FRMPD4: variants seen among roughly 807,000 people sequenced by gnomAD.
FRMPD4 encodes the protein FERM and PDZ domain-containing protein 4.
FRMPD4 carries 22 observed loss-of-function variants against 94.1 expected under a neutral mutation model. That is an observed-to-expected ratio of 0.23 (90% CI 0.17 to 0.33). The LOEUF is 0.33. FRMPD4 is among the 10% of genes least tolerant of loss of function. FRMPD4 has a pLI of 1.00. For synonymous variants in FRMPD4, 631 were observed against 548.6 expected, an observed-to-expected ratio of 1.15 and a Z score of -2.10; for missense variants, 1,111 against 1,339.9, an observed-to-expected ratio of 0.83 and a Z score of 2.67.
chrX:12,614,918 G>C, intron 4 of FRMPD4, 37 bp downstream of exon 4: 1 of 765,797 alleles, frequency 1.3e-6, no homozygotes, highest in Non-Finnish European at 2.0e-6. Flanking sequence ...GTTCTGCTTT[G>C]AAGGCTGCTG....
In FRMPD4 at chrX:11,834,961, G is replaced by A. The variant is rs372418491; in HGVS notation, c.-161+12246G>A. Among the ~76,000 whole-genome samples the A allele has an allele frequency of 1.2e-4, 13 of 111,884 alleles. No homozygotes were observed. The East Asian group carries it at 3.6e-3, about 31-fold the overall frequency. On this transcript the variant is annotated intron_variant, in intron 1 of 18. Coordinates refer to the FRMPD4 transcript ENST00000640291. ...TTATAAAATGTAAAATGTGAGAAAA[G>A]GAGAAAAGGATCTGTCATATTTTTT...
chrX:12,367,973 CT>C (rs1422668870), intron 1 of FRMPD4, among the ~76,000 whole-genome samples: 1 of 112,129 alleles, frequency 8.9e-6, no homozygotes, highest in Non-Finnish European at 1.9e-5. Flanking sequence ...GCTTAGGTCC[CT>C]GTTCTCTTTC....
chrX:12,423,591 A>C (rs940966377), intron 1 of FRMPD4, among the ~76,000 whole-genome samples: 1 of 112,076 alleles, frequency 8.9e-6, no homozygotes, highest in Admixed American at 9.4e-5. Flanking sequence ...TGCAAGGGAA[A>C]AATAACCTCA....
At chrX:12,117,941 C>G (rs143675516) in intron 3 of FRMPD4, among the ~76,000 whole-genome samples, 1,688 of 111,206 alleles carry the variant, frequency 0.015, 14 homozygotes, top group Non-Finnish European at 0.021. Context: ...GTATCTGTTG[C>G]TCCTTTTTTT....
chrX:12,565,289 G>A lies in FRMPD4; in HGVS notation c.159-44432G>A, dbSNP rs957391811. On this transcript the variant is annotated intron_variant, in intron 2 of 16. Transcript: ENST00000675598. The stretch of plus-strand genomic sequence containing the variant: ...AGCTTAGGCCCACTCTTGAGTGTAA[G>A]CTACACTTTGTTACTTGATTCCAAA... Among the ~76,000 whole-genome samples the A allele has an allele frequency of 3.6e-5, 4 of 111,475 alleles. No individual in the cohort carries two copies. The East Asian group carries it at 1.1e-3, about 31-fold the overall frequency.
chrX:12,005,376 C>A (rs1315830587), intron 3 of FRMPD4, among the ~76,000 whole-genome samples: 1 of 107,738 alleles, frequency 9.3e-6, no homozygotes, highest in Non-Finnish European at 1.9e-5. Flanking sequence ...CACAGACACC[C>A]GATGTTGGCT....
intron 1 of FRMPD4, among the ~76,000 whole-genome samples, chrX:12,479,832 G>A (rs193190703): frequency 7.5e-4 from 83 of 110,355 alleles, no homozygotes; most frequent in African/African-American, 2.5e-3. Context: ...TCAGGATGCA[G>A]CTAACTTTAC....
chrX:12,713,481 G>GGAGA lies in FRMPD4; in HGVS notation c.1610-2567_1610-2564dup, dbSNP rs9331478. 6.6e-3 allele frequency among the ~76,000 whole-genome samples: 696 copies of GGAGA among 105,208 alleles called. 7 individuals are homozygous for GGAGA. Among genetic ancestry groups the GGAGA allele is most frequent in the African/African-American group, 0.022 (645 of 28,766 alleles). 91.4% of individuals were successfully genotyped at this position (105,208 alleles called of 115,157 possible). On this transcript the variant is annotated intron_variant, in intron 14 of 16. Coordinates refer to ENST00000675598, the MANE Select transcript of FRMPD4 (RefSeq NM_001368397.1). Reference sequence around the variant, plus strand: ...CAAAGATACAGGGCGGGAGGTAGGTGGAGAGAGAGAGAGAGAGAGAGAGAC... The same window carrying GGAGA: ...CAAAGATACAGGGCGGGAGGTAGGTGGAGAGAGAGAGAGAGAGAGAGAGAGAGAC...
In FRMPD4 at chrX:12,025,526, G is replaced by A. The variant is rs73632665; in HGVS notation, c.95+147508G>A. Among the ~76,000 whole-genome samples the A allele has an allele frequency of 2.0e-3, 220 of 111,888 alleles. 2 individuals carry two copies. The highest frequency in any genetic ancestry group is 6.9e-3 in the African/African-American group (213 of 30,834). Reference sequence around the variant, plus strand: ...ATCTTTGTGTAATCTCCTCCCTTGTGTACAGACTGGACTCACTGAATTGCT... The same window carrying A: ...ATCTTTGTGTAATCTCCTCCCTTGTATACAGACTGGACTCACTGAATTGCT... On this transcript the variant is annotated intron_variant, in intron 3 of 18. Coordinates refer to the FRMPD4 transcript ENST00000640291.
chrX:12,026,459 T>A (rs1174277499), intron 3 of FRMPD4, among the ~76,000 whole-genome samples: 1 of 111,641 alleles, frequency 9.0e-6, no homozygotes, highest in African/African-American at 3.3e-5. Flanking sequence ...GATAATTGGT[T>A]CTATGAGAAG....
At chrX:11,900,074 C>A (rs1219153218) in intron 3 of FRMPD4, among the ~76,000 whole-genome samples, 2 of 111,691 alleles carry the variant, frequency 1.8e-5, no homozygotes, top group African/African-American at 6.5e-5. Context: ...GTGGAGTTAT[C>A]CGGGGGTCTT....
At chrX:11,980,859 T>C (rs1045837582) in intron 3 of FRMPD4, among the ~76,000 whole-genome samples, 3 of 109,161 alleles carry the variant, frequency 2.7e-5, no homozygotes, top group Non-Finnish European at 5.8e-5. Context: ...CCAGACATGG[T>C]TTTTTTTTTC....
chrX:12,034,389 A>G (rs1391426395), intron 3 of FRMPD4, among the ~76,000 whole-genome samples: 1 of 112,121 alleles, frequency 8.9e-6, no homozygotes, highest in Non-Finnish European at 1.9e-5. Flanking sequence ...GTCATTTCCT[A>G]AACATTATCT....
intron 3 of FRMPD4, among the ~76,000 whole-genome samples, chrX:12,084,392 CCT>C (rs1163570529): frequency 9.0e-6 from 1 of 111,275 alleles, no homozygotes; most frequent in Non-Finnish European, 1.9e-5. Flanking sequence ...TCCGATTAAA[CCT>C]CTTTTTATTC....
In FRMPD4 at chrX:12,579,790, C is replaced by T. The variant is rs185999430; in HGVS notation, c.159-29931C>T. On this transcript the variant is annotated intron_variant, in intron 2 of 16. Transcript: ENST00000675598. ...CTTTTTTACAGTCCAAAGGTATTGA[C>T]AATAAACAAAAGAAAACCGAAAAGA... Among the ~76,000 whole-genome samples, 257 of 110,913 alleles carry T rather than the reference C, an allele frequency of 2.3e-3. 1 individual carries two copies. Among genetic ancestry groups the T allele is most frequent in the South Asian group, 2.3e-3 (6 of 2,640 alleles).
chrX:12,212,218 A>G (rs1302764503), intron 1 of FRMPD4, among the ~76,000 whole-genome samples: 1 of 112,069 alleles, frequency 8.9e-6, no homozygotes, highest in South Asian at 3.7e-4. Context: ...GTAAAAAAAA[A>G]AATTTTAACC....
intron 9 of FRMPD4, among the ~76,000 whole-genome samples, chrX:12,695,497 C>A (rs1369441129): frequency 9.1e-6 from 1 of 109,727 alleles, no homozygotes; most frequent in African/African-American, 3.3e-5. Flanking sequence ...CTCTGCCTCC[C>A]GGGTTCAAGT....
rs1290826519 is a variant in FRMPD4, at chrX:12,139,437, TACACCTCC to T, written c.41+437_41+444del. Among the ~76,000 whole-genome samples the T allele has an allele frequency of 2.7e-5, 3 of 109,295 alleles. 1 individual carries two copies. Among genetic ancestry groups the T allele is most frequent in the African/African-American group, 6.7e-5 (2 of 29,883 alleles). The allele number at this position is 109,295 out of a possible 115,157, so 94.9% of individuals were successfully genotyped here. A position where few individuals can be genotyped will look rare whatever the true frequency, so the allele number is the denominator to read the frequency against. ...TGCCGCCTTCCCCCAACTCCTAAATTACACCTCCACACCTCCACAAAGTCAGCTCCTAG... is the reference window on the plus strand; with the variant it reads ...TGCCGCCTTCCCCCAACTCCTAAATTACACCTCCACAAAGTCAGCTCCTAG... On this transcript the variant is annotated intron_variant, in intron 1 of 16. Coordinates refer to ENST00000675598, the MANE Select transcript of FRMPD4 (RefSeq NM_001368397.1).
chrX:12,659,568 A>G (rs1347939268), intron 4 of FRMPD4, among the ~76,000 whole-genome samples: 1 of 112,634 alleles, frequency 8.9e-6, no homozygotes, highest in African/African-American at 3.2e-5. Context: ...TGTGACACCC[A>G]TAAATGTCTT....
Sources: gnomAD v4.1 joint callset for allele counts (sites outside exome capture counted in the v4.1 genomes callset) on GRCh38, gnomAD v4.1.1 for gene constraint, MANE v1.5 for transcripts, NCBI Gene and HGNC (gene_info 2026-07-23, HGNC 2026-07-21) for gene names.